CSTL1: variants seen among roughly 807,000 people sequenced by gnomAD.
CSTL1 encodes cystatin-like 1.
In CSTL1, 14 loss-of-function variants were observed where a neutral mutation model predicts 14.4. The ratio of observed to expected loss-of-function variants is 0.97; its 90% CI spans 0.64 to 1.52. The LOEUF (loss-of-function observed/expected upper bound fraction) is 1.52, where lower values mean the gene tolerates loss of function less well. Ranked by LOEUF, CSTL1 falls within the 40% of genes most tolerant of loss-of-function variation. The pLI, the probability that CSTL1 is intolerant of heterozygous loss-of-function variation, is 0.00. For missense variants in CSTL1, 170 were observed against 168.7 expected, an observed-to-expected ratio of 1.01 and a Z score of -0.04; for synonymous variants, 72 against 67.5, an observed-to-expected ratio of 1.07 and a Z score of -0.33.
At chr20:23,454,066 G>A in the CSTL1 span, among the ~76,000 whole-genome samples, 12 of 148,224 alleles carry the variant, frequency 8.1e-5, no homozygotes, top group South Asian at 2.2e-4. Context: ...CACACATACC[G>A]CCACACATGC....
downstream of CSTL1, chr20:23,444,940 C>T (rs982919155): frequency 8.9e-5 from 101 of 1,134,064 alleles, no homozygotes; most frequent in Non-Finnish European, 1.3e-4. Flanking sequence ...ATGTCTCCCT[C>T]ATTGGGGTCT....
At chr20:23,445,758 C>T (rs1986953428), downstream of CSTL1, among the ~76,000 whole-genome samples, 1 of 152,172 alleles carries the variant, frequency 6.6e-6, no homozygotes, top group Non-Finnish European at 1.5e-5. Flanking sequence ...CTGAGATTCC[C>T]AATACCAAAT....
In CSTL1 at chr20:23,444,704, A is replaced by G. The variant is rs538899863; in HGVS notation, c.331-67A>G. On this transcript the variant is annotated intron_variant, in intron 3 of 3. Transcript: ENST00000347397. ...GCAGCCACAGGGAGAGACCTGGGGAACAGGTGCCTGTTGCTTGCCTTTGAA... is the reference window on the plus strand; with the variant it reads ...GCAGCCACAGGGAGAGACCTGGGGAGCAGGTGCCTGTTGCTTGCCTTTGAA... 2.4e-5 allele frequency: 24 copies of G among 1,007,238 alleles called. No homozygotes were observed. The East Asian group carries it at 5.5e-4, about 23-fold the overall frequency. 62.4% of individuals were successfully genotyped at this position (1,007,238 alleles called of 1,614,324 possible).
the CSTL1 span, among the ~76,000 whole-genome samples, chr20:23,458,325 C>T: frequency 6.6e-6 from 1 of 152,222 alleles, no homozygotes; most frequent in African/African-American, 2.4e-5. Flanking sequence ...GGCCACCAAA[C>T]TGTCATCTCA....
At chr20:23,455,793 C>T in the CSTL1 span, among the ~76,000 whole-genome samples, 2 of 152,250 alleles carry the variant, frequency 1.3e-5, no homozygotes, top group South Asian at 2.1e-4. Flanking sequence ...GCAGCATTAC[C>T]TCTTGGTTGA....
At chr20:23,443,086 C>A (rs1464351767) in intron 2 of CSTL1, among the ~76,000 whole-genome samples, 1 of 152,118 alleles carries the variant, frequency 6.6e-6, no homozygotes, top group African/African-American at 2.4e-5. Context: ...CCCACCATGC[C>A]TCCTTCCTTC....
At chr20:23,452,037 A>G in the CSTL1 span, 4 of 656,586 alleles carry the variant, frequency 6.1e-6, no homozygotes, top group African/African-American at 5.5e-5. Flanking sequence ...TCCTAGGCGG[A>G]TTAGCGGGCT....
At chr20:23,455,668 C>T in the CSTL1 span, among the ~76,000 whole-genome samples, 2 of 152,212 alleles carry the variant, frequency 1.3e-5, no homozygotes, top group Non-Finnish European at 2.9e-5. Context: ...TCACTTGTGT[C>T]AGTGCAAACA....
the CSTL1 span, chr20:23,458,700 T>TC: frequency 6.6e-6 from 1 of 152,260 alleles, no homozygotes; most frequent in East Asian, 1.9e-4. Context: ...TCAGTACTGT[T>TC]CCCGGGAAGG....
At chr20:23,446,330 A>C (rs2123318848), downstream of CSTL1, among the ~76,000 whole-genome samples, 1 of 150,640 alleles carries the variant, frequency 6.6e-6, no homozygotes, top group African/African-American at 2.5e-5. Context: ...ATCTTGGCTC[A>C]CTGCAGTCTC....
chr20:23,440,864 C>A (rs535300625), intron 2 of CSTL1: 10 of 338,562 alleles, frequency 3.0e-5, no homozygotes, highest in Non-Finnish European at 1.1e-5. Context: ...TCAAGTGATT[C>A]TCCTGCCTCA....
downstream of CSTL1, among the ~76,000 whole-genome samples, chr20:23,446,589 C>T (rs1326821467): frequency 9.9e-5 from 15 of 152,176 alleles, no homozygotes; most frequent in African/African-American, 3.1e-4. Flanking sequence ...GCAGTTCAGG[C>T]GGGCCGTGCG....
the CSTL1 span, among the ~76,000 whole-genome samples, chr20:23,460,241 C>T: frequency 8.9e-4 from 136 of 152,292 alleles, no homozygotes; most frequent in African/African-American, 3.0e-3. Flanking sequence ...ACAGGAAGTC[C>T]GGCTCCCTCT....
intron 2 of CSTL1, among the ~76,000 whole-genome samples, chr20:23,442,949 G>A (rs1039308114): frequency 3.9e-5 from 6 of 152,206 alleles, no homozygotes; most frequent in South Asian, 2.1e-4. Flanking sequence ...CCTTCTGGGC[G>A]TAGGGCCTCC....
the CSTL1 span, chr20:23,458,704 G>A: frequency 3.9e-5 from 6 of 152,256 alleles, no homozygotes; most frequent in East Asian, 3.9e-4. Context: ...TACTGTTCCC[G>A]GGAAGGAAGG....
chr20:23,445,073 C>G (rs1159238905), downstream of CSTL1: 2 of 647,032 alleles, frequency 3.1e-6, no homozygotes, highest in African/African-American at 1.8e-5. Context: ...ACTCTCACCA[C>G]TCACATACAT....
At chr20:23,446,391 G>T (rs1986967976), downstream of CSTL1, among the ~76,000 whole-genome samples, 1 of 152,150 alleles carries the variant, frequency 6.6e-6, no homozygotes, top group Admixed American at 6.5e-5. Context: ...TAGTAGCTGG[G>T]ACTACAGGCG....
At chr20:23,451,443 G>A in the CSTL1 span, among the ~76,000 whole-genome samples, 1 of 152,222 alleles carries the variant, frequency 6.6e-6, no homozygotes, top group Non-Finnish European at 1.5e-5. Flanking sequence ...CAGGAGCCCA[G>A]CACTTGCGCG....
At chr20:23,460,556 AT>A in the CSTL1 span, among the ~76,000 whole-genome samples, 1 of 152,174 alleles carries the variant, frequency 6.6e-6, no homozygotes, top group Non-Finnish European at 1.5e-5. Flanking sequence ...AGTCTCAATC[AT>A]TTTTGGAGAT....
Sources: gnomAD v4.1 joint callset for allele counts (sites outside exome capture counted in the v4.1 genomes callset) on GRCh38, gnomAD v4.1.1 for gene constraint, MANE v1.5 for transcripts, NCBI Gene and HGNC (gene_info 2026-07-23, HGNC 2026-07-21) for gene names.